ADAMTS12: variants seen among roughly 807,000 people sequenced by gnomAD.
The protein encoded by ADAMTS12 is A disintegrin and metalloproteinase with thrombospondin motifs 12.
ADAMTS12 carries 118 observed loss-of-function variants against 167.8 expected under a neutral mutation model. The observed-to-expected ratio is 0.70, with a 90% CI of 0.61 to 0.82. ADAMTS12 has a LOEUF of 0.82. Among genes scored for constraint, ADAMTS12 ranks in the 40% least tolerant of loss-of-function variants. The probability of loss-of-function intolerance (pLI) is 0.00; values close to 1 mark genes in which losing one functional copy is unlikely to be tolerated. For missense variants in ADAMTS12, 1,916 were observed against 1,998.8 expected, an observed-to-expected ratio of 0.96 and a Z score of 0.79; for synonymous variants, 704 against 716.9, an observed-to-expected ratio of 0.98 and a Z score of 0.29.
At chr5:33,874,043 AG>A (rs1376682205) in intron 2 of ADAMTS12, among the ~76,000 whole-genome samples, 1 of 152,216 alleles carries the variant, frequency 6.6e-6, no homozygotes, top group Non-Finnish European at 1.5e-5. Context: ...ACAACATCAA[AG>A]GAATTACCCA....
intron 2 of ADAMTS12, among the ~76,000 whole-genome samples, chr5:33,762,524 A>G (rs1013932453): frequency 6.6e-6 from 1 of 152,038 alleles, no homozygotes; most frequent in Admixed American, 6.5e-5. Context: ...AAATAAATAA[A>G]TAAATAAAGG....
chr5:33,679,991 A>G (rs919343482), intron 5 of ADAMTS12, among the ~76,000 whole-genome samples: 9 of 152,170 alleles, frequency 5.9e-5, no homozygotes, highest in African/African-American at 2.2e-4. Context: ...TCTGTTGTTG[A>G]GCTGCTTATT....
intron 3 of ADAMTS12, among the ~76,000 whole-genome samples, chr5:33,726,311 G>A (rs1336194185): frequency 2.0e-5 from 3 of 152,190 alleles, no homozygotes; most frequent in African/African-American, 7.2e-5. Context: ...GGGGCAGAGG[G>A]CTGCAGGTGT....
chr5:33,549,761 C>T (rs1009872574), intron 20 of ADAMTS12, among the ~76,000 whole-genome samples: 8 of 152,234 alleles, frequency 5.3e-5, no homozygotes, highest in Non-Finnish European at 8.8e-5. Context: ...GTGGCCATTC[C>T]GTCTGGAAGT....
chr5:33,799,786 C>A (rs897861465), intron 2 of ADAMTS12, among the ~76,000 whole-genome samples: 1 of 152,198 alleles, frequency 6.6e-6, no homozygotes, highest in Non-Finnish European at 1.5e-5. Context: ...AGCACTGAAT[C>A]CAATCAAAGG....
chr5:33,705,990 T>C (rs1473019157), intron 3 of ADAMTS12, among the ~76,000 whole-genome samples: 1 of 152,160 alleles, frequency 6.6e-6, no homozygotes, highest in Non-Finnish European at 1.5e-5. Context: ...CACAAACTGA[T>C]CTTCCATGTT....
intron 2 of ADAMTS12, among the ~76,000 whole-genome samples, chr5:33,815,825 G>C (rs1026136610): frequency 6.6e-5 from 10 of 152,176 alleles, no homozygotes. Context: ...TTCCTCTAAA[G>C]TTCTGATGAT....
chr5:33,549,262 C>A lies in ADAMTS12; in HGVS notation c.4247G>T (p.Ser1416Ile), dbSNP rs972634568. Residue 1416 changes from serine to isoleucine, a missense_variant, in exon 21 of 24, where the codon AGC (serine) becomes ATC (isoleucine). By Grantham distance (142) the Ser-to-Ile change is moderately radical. Transcript: ENST00000504830. The stretch of plus-strand genomic sequence containing the variant: ...ACAGGGCTCCGGGTTACAGCTCATG[C>A]TCAATGGGGGAGGAATGCCGGCCAG... ...QFLAGIPPPL[S>I]MSCNPEPCEA... 17 of 1,614,072 alleles carry A rather than the reference C, an allele frequency of 1.1e-5. No individual in the cohort carries two copies. The highest frequency in any genetic ancestry group is 1.4e-5 in the Non-Finnish European group (17 of 1,180,036).
chr5:33,751,972 G>C (rs1745004155), intron 2 of ADAMTS12, among the ~76,000 whole-genome samples: 1 of 152,182 alleles, frequency 6.6e-6, no homozygotes, highest in African/African-American at 2.4e-5. Context: ...TACCTGCATG[G>C]GGGTAGCCCA....
chr5:33,639,140 G>A (rs1740335926), intron 11 of ADAMTS12, among the ~76,000 whole-genome samples: 1 of 152,020 alleles, frequency 6.6e-6, no homozygotes, highest in Non-Finnish European at 1.5e-5. Context: ...AAGTTGTATT[G>A]CATGAGACAA....
chr5:33,624,354 G>A lies in ADAMTS12; in HGVS notation c.2023-3C>T. Reference sequence around the variant, plus strand: ...ATCTCATAGTCACAGCCAACCATCTGTGGGGAAGAGAGGTGGAGGATGAAT... The same window carrying A: ...ATCTCATAGTCACAGCCAACCATCTATGGGGAAGAGAGGTGGAGGATGAAT... On this transcript the variant is annotated splice_polypyrimidine_tract_variant and splice_region_variant and intron_variant, in intron 13 of 23. Transcript: ENST00000504830. 1 of 1,613,876 alleles carries A rather than the reference G, an allele frequency of 6.2e-7. No homozygotes were observed.
At chr5:33,720,680 C>G (rs1213167088) in intron 3 of ADAMTS12, among the ~76,000 whole-genome samples, 1 of 152,160 alleles carries the variant, frequency 6.6e-6, no homozygotes, top group South Asian at 2.1e-4. Context: ...AGTTTGTCAT[C>G]CTGGTCCTAG....
intron 18 of ADAMTS12, among the ~76,000 whole-genome samples, chr5:33,578,394 A>T (rs1416437720): frequency 1.3e-5 from 2 of 152,190 alleles, no homozygotes; most frequent in African/African-American, 4.8e-5. Context: ...TAAGCATTAG[A>T]TTTATTTTTA....
chr5:33,887,112 G>A (rs1750664273), intron 1 of ADAMTS12, among the ~76,000 whole-genome samples: 1 of 152,064 alleles, frequency 6.6e-6, no homozygotes, highest in Non-Finnish European at 1.5e-5. Context: ...TATAATCTTG[G>A]CCAATGAAAG....
chr5:33,544,329 G>C (rs1211071637), intron 22 of ADAMTS12, among the ~76,000 whole-genome samples: 2 of 152,118 alleles, frequency 1.3e-5, no homozygotes, highest in Non-Finnish European at 2.9e-5. Context: ...TCTTCAAGGA[G>C]AACTACAAAC....
chr5:33,529,186 T>C (rs958681530), intron 23 of ADAMTS12, among the ~76,000 whole-genome samples: 3 of 152,198 alleles, frequency 2.0e-5, no homozygotes, highest in Non-Finnish European at 4.4e-5. Flanking sequence ...AGAGTAAGTA[T>C]ACAATTAGTC....
At chr5:33,564,937 A>C (rs1301093572) in intron 19 of ADAMTS12, among the ~76,000 whole-genome samples, 1 of 152,106 alleles carries the variant, frequency 6.6e-6, no homozygotes, top group Non-Finnish European at 1.5e-5. Flanking sequence ...AAACTATTAC[A>C]ATTTTTTTCT....
At chr5:33,666,094 C>T (rs968737428) in intron 5 of ADAMTS12, among the ~76,000 whole-genome samples, 25 of 152,252 alleles carry the variant, frequency 1.6e-4, no homozygotes, top group Admixed American at 1.6e-3. Flanking sequence ...CTCAGTCCTG[C>T]TCCCACACTG....
chr5:33,678,478 G>A (rs1741997444), intron 5 of ADAMTS12, among the ~76,000 whole-genome samples: 2 of 152,140 alleles, frequency 1.3e-5, no homozygotes, highest in Admixed American at 1.3e-4. Flanking sequence ...TAGTTTTATG[G>A]GAGTCAATAA....
Sources: gnomAD v4.1 joint callset for allele counts (sites outside exome capture counted in the v4.1 genomes callset) on GRCh38, gnomAD v4.1.1 for gene constraint, MANE v1.5 for transcripts, NCBI Gene and HGNC (gene_info 2026-07-23, HGNC 2026-07-21) for gene names.